The following SUPT3H variants were observed in gnomAD, a reference collection of about 807,000 sequenced individuals.
The protein encoded by SUPT3H is SPT3 homolog, SAGA and STAGA complex component.
Under a neutral mutation model 44.3 loss-of-function variants are expected in SUPT3H, and 44 were observed. That is an observed-to-expected ratio of 0.99 (90% CI 0.78 to 1.28). The LOEUF is 1.28. Ranked by LOEUF, SUPT3H falls within the 50% of genes most tolerant of loss-of-function variation. The pLI, the probability that SUPT3H is intolerant of heterozygous loss-of-function variation, is 0.00. For synonymous variants in SUPT3H, 124 were observed against 125.6 expected, an observed-to-expected ratio of 0.99 and a Z score of 0.09; for missense variants, 380 against 387.1, an observed-to-expected ratio of 0.98 and a Z score of 0.15.
At chr6:45,282,775 C>T (rs1399910288) in intron 2 of SUPT3H, among the ~76,000 whole-genome samples, 1 of 152,114 alleles carries the variant, frequency 6.6e-6, no homozygotes, top group Non-Finnish European at 1.5e-5. Flanking sequence ...CTCCAAGACA[C>T]ATAATTGTCA....
intron 6 of SUPT3H, among the ~76,000 whole-genome samples, chr6:44,966,105 A>C (rs1414548756): frequency 6.6e-6 from 1 of 152,130 alleles, no homozygotes; most frequent in Admixed American, 6.5e-5. Flanking sequence ...TCAAATATTA[A>C]ATAAGTGTGG....
intron 2 of SUPT3H, among the ~76,000 whole-genome samples, chr6:45,184,660 G>T (rs148233048): frequency 6.6e-6 from 1 of 151,386 alleles, no homozygotes; most frequent in Non-Finnish European, 1.5e-5. Context: ...GCCTAGGGAC[G>T]TCACTATTTG....
chr6:44,857,781 C>A (rs908027204), intron 10 of SUPT3H, among the ~76,000 whole-genome samples: 1 of 152,072 alleles, frequency 6.6e-6, no homozygotes, highest in Non-Finnish European at 1.5e-5. Context: ...TTCAAATAGG[C>A]AACTAGCAAT....
intron 2 of SUPT3H, among the ~76,000 whole-genome samples, chr6:45,245,150 T>C (rs776011968): frequency 6.6e-6 from 1 of 152,144 alleles, no homozygotes; most frequent in Non-Finnish European, 1.5e-5. Flanking sequence ...ATTTCAGATA[T>C]TTCACATGTT....
rs950426256 is a variant in SUPT3H at position 45,005,400 on chromosome 6, A to G, written c.365-1608T>C. Among the ~76,000 whole-genome samples, 29 of 152,070 alleles carry G rather than the reference A, an allele frequency of 1.9e-4. 1 individual carries two copies. Reference sequence around the variant, plus strand: ...TATCTAAGTTAAAAATGTTTATCCTAGTCTTTCATTTGCCTATGAATTTTA... The same window carrying G: ...TATCTAAGTTAAAAATGTTTATCCTGGTCTTTCATTTGCCTATGAATTTTA... On this transcript the variant is annotated intron_variant, in intron 5 of 10. Transcript: ENST00000371459.
intron 3 of SUPT3H, among the ~76,000 whole-genome samples, chr6:45,096,439 G>C (rs573719808): frequency 8.5e-5 from 13 of 152,160 alleles, no homozygotes; most frequent in African/African-American, 3.1e-4. Flanking sequence ...AAACTTCAGG[G>C]AAAAACAGTC....
intron 2 of SUPT3H, among the ~76,000 whole-genome samples, chr6:45,273,856 G>A (rs1427299573): frequency 1.3e-5 from 2 of 152,122 alleles, no homozygotes; most frequent in Non-Finnish European, 2.9e-5. Flanking sequence ...GATCACGTGG[G>A]AAATCTGTAT....
At chr6:44,853,625 C>A (rs772220116) in intron 10 of SUPT3H, among the ~76,000 whole-genome samples, 24 of 151,984 alleles carry the variant, frequency 1.6e-4, no homozygotes, top group Non-Finnish European at 2.9e-4. Context: ...GAGAAAAAAA[C>A]TTAATTACAT....
rs543593492 is a variant in SUPT3H at position 45,285,176 on chromosome 6, C to A, written c.101+80025G>T. Among the ~76,000 whole-genome samples the A allele has an allele frequency of 4.5e-3, 677 of 151,608 alleles. 2 individuals are homozygous for A. The highest frequency in any genetic ancestry group is 5.9e-3 in the Admixed American group (90 of 15,220). On this transcript the variant is annotated intron_variant, in intron 2 of 10. Coordinates refer to ENST00000371459, the MANE Select transcript of SUPT3H (RefSeq NM_003599.4). ...AAACTGGAAGCATTCCCTTTGAAAA[C>A]TGGCACAAGACAGGGATGCCCTCTC...
chr6:45,329,992 T>C (rs893907278), intron 2 of SUPT3H, among the ~76,000 whole-genome samples: 3 of 151,878 alleles, frequency 2.0e-5, no homozygotes, highest in Non-Finnish European at 2.9e-5. Context: ...CTCCTCCTAC[T>C]TCACACATTT....
At chr6:45,246,909 C>T (rs562369267) in intron 2 of SUPT3H, among the ~76,000 whole-genome samples, 1 of 152,146 alleles carries the variant, frequency 6.6e-6, no homozygotes, top group Admixed American at 6.5e-5. Context: ...CCAAACCTTC[C>T]CTCTTAAGAA....
At chr6:45,354,546 A>G (rs1382257701) in intron 2 of SUPT3H, among the ~76,000 whole-genome samples, 1 of 117,690 alleles carries the variant, frequency 8.5e-6, no homozygotes. Context: ...GGATTGTCTC[A>G]GTTTCCTTGG....
chr6:44,867,636 C>T (rs1276870139), intron 10 of SUPT3H, among the ~76,000 whole-genome samples: 1 of 152,204 alleles, frequency 6.6e-6, no homozygotes, highest in East Asian at 1.9e-4. Flanking sequence ...ATGTGCAAGT[C>T]TATAACAAAC....
chr6:45,119,538 G>C (rs955006715), intron 2 of SUPT3H, among the ~76,000 whole-genome samples: 28 of 152,064 alleles, frequency 1.8e-4, no homozygotes, highest in African/African-American at 6.8e-4. Context: ...AAGCATATAG[G>C]CTTTAATATA....
At chr6:45,304,085 T>C (rs1306102161) in intron 2 of SUPT3H, among the ~76,000 whole-genome samples, 1 of 152,120 alleles carries the variant, frequency 6.6e-6, no homozygotes, top group African/African-American at 2.4e-5. Flanking sequence ...AGATGAGAAC[T>C]AAGTACTAGT....
intron 2 of SUPT3H, among the ~76,000 whole-genome samples, chr6:45,176,990 GA>G (rs1370461021): frequency 6.6e-6 from 1 of 152,152 alleles, no homozygotes; most frequent in African/African-American, 2.4e-5. Flanking sequence ...AGAAAAACTG[GA>G]AACTCTAAAA....
intron 1 of SUPT3H, among the ~76,000 whole-genome samples, chr6:45,368,572 C>T (rs929244250): frequency 6.6e-6 from 1 of 152,056 alleles, no homozygotes; most frequent in Non-Finnish European, 1.5e-5. Context: ...TACCATGAAA[C>T]ATCTTTAAGC....
At chr6:45,230,896 C>T (rs1363906445) in intron 2 of SUPT3H, among the ~76,000 whole-genome samples, 1 of 151,758 alleles carries the variant, frequency 6.6e-6, no homozygotes, top group Non-Finnish European at 1.5e-5. Flanking sequence ...TGGTCTAGAT[C>T]TCCTGACCTC....
chr6:45,071,886 T>C (rs942602803), intron 3 of SUPT3H, among the ~76,000 whole-genome samples: 5 of 152,214 alleles, frequency 3.3e-5, no homozygotes, highest in African/African-American at 1.2e-4. Context: ...CCCTGGATTA[T>C]ACCTGAATTC....
Sources: gnomAD v4.1 joint callset for allele counts (sites outside exome capture counted in the v4.1 genomes callset) on GRCh38, gnomAD v4.1.1 for gene constraint, MANE v1.5 for transcripts, NCBI Gene and HGNC (gene_info 2026-07-23, HGNC 2026-07-21) for gene names.